The following HTR7 variants were observed in gnomAD, a reference collection of about 807,000 sequenced individuals.
HTR7 encodes 5-hydroxytryptamine receptor 7, also known as 5-HT-7.
HTR7 carries 16 observed loss-of-function variants against 34.0 expected under a neutral mutation model. That is an observed-to-expected ratio of 0.47 (90% CI 0.32 to 0.71). HTR7 has a LOEUF of 0.71. HTR7 is among the 30% of genes least tolerant of loss of function. HTR7 has a pLI of 0.04. For synonymous variants in HTR7, 265 were observed against 260.2 expected, an observed-to-expected ratio of 1.02 and a Z score of -0.18; for missense variants, 504 against 625.5, an observed-to-expected ratio of 0.81 and a Z score of 2.07.
intron 1 of HTR7, among the ~76,000 whole-genome samples, chr10:90,790,219 T>C (rs1455589573): frequency 6.6e-6 from 1 of 152,154 alleles, no homozygotes; most frequent in East Asian, 1.9e-4. Flanking sequence ...GAATAAAAAG[T>C]ATTACCCACA....
At chr10:90,817,128 C>T (rs1255913253) in intron 1 of HTR7, among the ~76,000 whole-genome samples, 1 of 152,184 alleles carries the variant, frequency 6.6e-6, no homozygotes, top group East Asian at 1.9e-4. Context: ...TCTGGCCAAT[C>T]TTAGCCAAAA....
intron 1 of HTR7, among the ~76,000 whole-genome samples, chr10:90,791,193 T>C (rs1845454566): frequency 6.6e-6 from 1 of 151,938 alleles, no homozygotes; most frequent in African/African-American, 2.4e-5. Flanking sequence ...TCAAAAAAAT[T>C]ATCAAATACC....
At chr10:90,814,169 T>C (rs546607721) in intron 1 of HTR7, among the ~76,000 whole-genome samples, 7 of 152,324 alleles carry the variant, frequency 4.6e-5, no homozygotes, top group African/African-American at 1.7e-4. Flanking sequence ...CCTAGTGGAC[T>C]GGATAAAAGC....
rs775916918 is a variant in HTR7, at chr10:90,857,463, C to G, written c.209G>C (p.Cys70Ser). Residue 70 changes from cysteine to serine, a missense_variant, in exon 1 of 4, where the codon TGT (cysteine) becomes TCT (serine). By Grantham distance (112) the Cys-to-Ser change is moderately radical (BLOSUM62 -1). Coordinates refer to ENST00000336152, the MANE Select transcript of HTR7 (RefSeq NM_019859.4). The surrounding 1 kb of genome is among the most constrained non-coding windows in gnomAD (Gnocchi z 6.5). Reference protein sequence around the residue: ...WDAPPDNASGCGEQINYGRVE... With the variant: ...WDAPPDNASGSGEQINYGRVE... ...TCTGCCGTAGTTGATCTGTTCCCCACAGCCGGAGGCATTGTCCGGGGGCGC... is the reference window on the plus strand; with the variant it reads ...TCTGCCGTAGTTGATCTGTTCCCCAGAGCCGGAGGCATTGTCCGGGGGCGC... 4 of 1,613,784 alleles carry G rather than the reference C, an allele frequency of 2.5e-6. No homozygotes were observed. In the African/African-American group the frequency reaches 4.0e-5, roughly 16 times the overall value.
chr10:90,789,841 A>C (rs1845438026), intron 1 of HTR7, among the ~76,000 whole-genome samples: 1 of 152,170 alleles, frequency 6.6e-6, no homozygotes, highest in Non-Finnish European at 1.5e-5. Context: ...TGAACATATT[A>C]TGTAATCTCT....
At chr10:90,797,932 G>C (rs1845566612) in intron 1 of HTR7, among the ~76,000 whole-genome samples, 1 of 152,314 alleles carries the variant, frequency 6.6e-6, no homozygotes, top group East Asian at 1.9e-4. Context: ...GTAGACAAAA[G>C]GGCAAGAGAG....
chr10:90,805,799 T>G (rs1016163097), intron 1 of HTR7, among the ~76,000 whole-genome samples: 1 of 152,226 alleles, frequency 6.6e-6, no homozygotes. Flanking sequence ...ATGAAAGCAC[T>G]CTAATCAATA....
intron 1 of HTR7, among the ~76,000 whole-genome samples, chr10:90,751,610 T>C (rs4933194): frequency 0.62 from 94,036 of 151,936 alleles, 30,910 homozygotes; most frequent in African/African-American, 0.86. Flanking sequence ...CATTGTCAGA[T>C]CATTTTACAC....
chr10:90,745,783 G>A (rs1844623768), intron 2 of HTR7, among the ~76,000 whole-genome samples: 1 of 152,190 alleles, frequency 6.6e-6, no homozygotes, highest in Non-Finnish European at 1.5e-5. Flanking sequence ...TGGTACACGG[G>A]CCTATCTGTT....
At chr10:90,837,289 A>G (rs1168855181) in intron 1 of HTR7, among the ~76,000 whole-genome samples, 1 of 152,208 alleles carries the variant, frequency 6.6e-6, no homozygotes, top group East Asian at 1.9e-4. Flanking sequence ...CTTTTTAAGT[A>G]TTAGGAAGTT....
At chr10:90,770,327 T>TGGGCACGGAGGGGCAGGCAGAGAG (rs1845087676) in intron 1 of HTR7, among the ~76,000 whole-genome samples, 2 of 152,002 alleles carry the variant, frequency 1.3e-5, no homozygotes, top group African/African-American at 4.8e-5. Context: ...GCAGCACAGT[T>TGGGCACGGAGGGGCAGGCAGAGAG]GGGCACGGAG....
intron 1 of HTR7, among the ~76,000 whole-genome samples, chr10:90,812,497 A>T (rs1009724386): frequency 2.0e-5 from 3 of 152,170 alleles, no homozygotes; most frequent in Non-Finnish European, 4.4e-5. Context: ...TAGACCTTTT[A>T]TACCTGTTTT....
intron 1 of HTR7, among the ~76,000 whole-genome samples, chr10:90,841,869 G>T (rs933599848): frequency 1.3e-5 from 2 of 152,140 alleles, no homozygotes; most frequent in African/African-American, 4.8e-5. Flanking sequence ...GCGTGATGGT[G>T]CACGACTGTA....
At chr10:90,848,395 C>T (rs1846445809) in intron 1 of HTR7, among the ~76,000 whole-genome samples, 1 of 152,086 alleles carries the variant, frequency 6.6e-6, no homozygotes, top group Admixed American at 6.6e-5. Flanking sequence ...TATATATTTC[C>T]TTCCTTTTCT....
intron 1 of HTR7, among the ~76,000 whole-genome samples, chr10:90,813,567 C>A (rs1368031701): frequency 6.6e-6 from 1 of 151,774 alleles, no homozygotes; most frequent in East Asian, 1.9e-4. Flanking sequence ...GTTCGGGAGT[C>A]CTTGGTAAGG....
At chr10:90,838,998 T>TG (rs1472258703) in intron 1 of HTR7, among the ~76,000 whole-genome samples, 1 of 152,230 alleles carries the variant, frequency 6.6e-6, no homozygotes, top group African/African-American at 2.4e-5. Context: ...GCCTTGCTTA[T>TG]GATAAGGAAG....
intron 1 of HTR7, among the ~76,000 whole-genome samples, chr10:90,786,236 C>T (rs1845379004): frequency 6.6e-6 from 1 of 152,240 alleles, no homozygotes; most frequent in Admixed American, 6.5e-5. Flanking sequence ...TGCCCTAACA[C>T]TCAGTAAATG....
At chr10:90,770,072 A>G (rs60226639) in intron 1 of HTR7, among the ~76,000 whole-genome samples, 38,133 of 152,194 alleles carry the variant, frequency 0.25, 5,217 homozygotes, top group African/African-American at 0.37. Context: ...AGCCAGACGG[A>G]ACCTGCCCCC....
chr10:90,748,740 A>C, intron 2 of HTR7, 99 bp downstream of exon 2: 4 of 1,281,684 alleles, frequency 3.1e-6, no homozygotes, highest in Non-Finnish European at 4.3e-6. Flanking sequence ...AGTAAAAACT[A>C]AGCTAGCTAC....
Sources: allele counts gnomAD v4.1 joint callset (sites outside exome capture counted in the v4.1 genomes callset), GRCh38; gene constraint gnomAD v4.1.1; non-coding constraint Gnocchi (gnomAD v3.1); transcripts MANE v1.5; gene names NCBI Gene and HGNC (gene_info 2026-07-23, HGNC 2026-07-21).